BRD1: variants seen among roughly 807,000 people sequenced by gnomAD.
BRD1 encodes the protein bromodomain containing 1.
In BRD1, 24 loss-of-function variants were observed where a neutral mutation model predicts 107.7. That is an observed-to-expected ratio of 0.22 (90% CI 0.16 to 0.31). The LOEUF (loss-of-function observed/expected upper bound fraction) is 0.31. Among genes scored for constraint, BRD1 ranks in the 10% least tolerant of loss-of-function variants. The pLI is 1.00. For synonymous variants in BRD1, 744 were observed against 686.1 expected (o/e 1.08, Z -1.32); for missense variants, 1,279 against 1,638.6 (o/e 0.78, Z 3.79).
At chr22:49,775,485 GCCC>G in intron 12 of BRD1, 103 bp downstream of exon 12, 1 of 1,112,602 alleles carries the variant, frequency 9.0e-7, no homozygotes. Flanking sequence ...CTGTGCCAGG[GCCC>G]AGCAGACAAA....
chr22:49,826,340 T>C (rs2060148679), intron 1 of BRD1: 1 of 858,196 alleles, frequency 1.2e-6, no homozygotes, highest in Non-Finnish European at 1.4e-6. Context: ...AACATGCAAC[T>C]GGGACCCGGG....
chr22:49,777,938 T>A, intron 8 of BRD1, 125 bp from the exon 9 acceptor site: 2 of 1,292,402 alleles, frequency 1.5e-6, no homozygotes, highest in Non-Finnish European at 2.1e-6. Flanking sequence ...GACAGCATCT[T>A]CCTTTTCACT....
chr22:49,790,231 C>T (rs1190107784), intron 7 of BRD1, among the ~76,000 whole-genome samples: 1 of 152,190 alleles, frequency 6.6e-6, no homozygotes, highest in Non-Finnish European at 1.5e-5. Flanking sequence ...GTTCCTCATC[C>T]ATAAAATCAG....
chr22:49,778,153 G>A (rs2059136377), intron 8 of BRD1, among the ~76,000 whole-genome samples: 1 of 152,234 alleles, frequency 6.6e-6, no homozygotes, highest in Admixed American at 6.5e-5. Flanking sequence ...GGGCAGATGT[G>A]CAACCTGTGA....
rs1416009959 is a variant in BRD1, at chr22:49,783,495, G to A, written c.2857+3895C>T. On this transcript the variant is annotated intron_variant, in intron 8 of 12. Transcript: ENST00000404760. The surrounding 1 kb of genome is among the most constrained non-coding windows in gnomAD (Gnocchi z 4.2). ...CCATGGCACAGACACAGCACAACGC[G>A]CCTGGGCATGGCCGTCACACCCAAA... 1.3e-5 allele frequency among the ~76,000 whole-genome samples: 2 copies of A among 152,232 alleles called. No homozygotes were observed. Among genetic ancestry groups the A allele is most frequent in the Admixed American group, 6.5e-5 (1 of 15,286 alleles).
chr22:49,798,156 A>C, intron 5 of BRD1, 39 bp from the exon 6 acceptor site: 1 of 1,525,348 alleles, frequency 6.6e-7, no homozygotes, highest in Non-Finnish European at 9.0e-7. Context: ...TACAAACTAA[A>C]ACAGGATATT....
At chr22:49,781,010 T>C (rs1179410693) in intron 8 of BRD1, among the ~76,000 whole-genome samples, 2 of 152,228 alleles carry the variant, frequency 1.3e-5, no homozygotes, top group Non-Finnish European at 1.5e-5. Context: ...ACGAGGTTTT[T>C]TTTTAACGCT....
chr22:49,787,519 C>T lies in BRD1; in HGVS notation c.2728G>A (p.Gly910Arg), dbSNP rs1169682204. ...TETQPTSPQL[G>R]TKTFLSVVLP... ...ACTACAGACAAAAAGGTTTTGGTCCCTAGCTGAGGAGAAGTTGGCTGGGTT... is the reference window on the plus strand; with the variant it reads ...ACTACAGACAAAAAGGTTTTGGTCCTTAGCTGAGGAGAAGTTGGCTGGGTT... Residue 910 changes from glycine to arginine, a missense_variant, in exon 8 of 13, where the codon GGG becomes AGG. Transcript: ENST00000404760. 3.7e-6 allele frequency: 6 copies of T among 1,612,930 alleles called. No individual in the cohort carries two copies. In the African/African-American group the frequency reaches 6.7e-5, roughly 18 times the overall value.
chr22:49,783,404 G>A lies in BRD1; in HGVS notation c.2857+3986C>T, dbSNP rs995015744. On this transcript the variant is annotated intron_variant, in intron 8 of 12. Coordinates refer to ENST00000404760, the MANE Select transcript of BRD1 (RefSeq NM_001304808.3). This position sits in a 1 kb window ranked among gnomAD's most constrained non-coding sequence, Gnocchi z 4.2. ...ACCCAGAAATACAGAAGATGCTAGC[G>A]AGTGAGTGAGCACGCACTGTCCATG... Among the ~76,000 whole-genome samples, 2 of 152,154 alleles carry A rather than the reference G, an allele frequency of 1.3e-5. No homozygotes were observed. Among genetic ancestry groups the A allele is most frequent in the Admixed American group, 6.6e-5 (1 of 15,260 alleles).
chr22:49,797,792 C>T lies in BRD1; in HGVS notation c.2098+13G>A, dbSNP rs2059562863. 2 of 1,578,734 alleles carry T rather than the reference C, an allele frequency of 1.3e-6. No individual in the cohort carries two copies. Among genetic ancestry groups the T allele is most frequent in the Admixed American group, 1.7e-5 (1 of 57,476 alleles). On this transcript the variant is annotated intron_variant, in intron 6 of 12. Transcript: ENST00000404760. The stretch of plus-strand genomic sequence containing the variant: ...CGTCTTCCACCTCCTCCGGACACGG[C>T]GCCAGTTCTTACCGTCTTCCCAGGA...
chr22:49,811,119 T>C (rs2059841370), intron 2 of BRD1, among the ~76,000 whole-genome samples: 1 of 151,988 alleles, frequency 6.6e-6, no homozygotes, highest in Non-Finnish European at 1.5e-5. Context: ...CTTGGAAACA[T>C]GCTCAGTGAA....
At chr22:49,782,552 A>G (rs972592593) in intron 8 of BRD1, among the ~76,000 whole-genome samples, 20 of 144,492 alleles carry the variant, frequency 1.4e-4, no homozygotes, top group Non-Finnish European at 2.4e-4. Flanking sequence ...GACAGACCCA[A>G]GGCCCATCGT....
At chr22:49,819,764 G>C (rs750557982) in intron 2 of BRD1, among the ~76,000 whole-genome samples, 1 of 151,798 alleles carries the variant, frequency 6.6e-6, no homozygotes, top group Non-Finnish European at 1.5e-5. Flanking sequence ...GTTTTTCAAA[G>C]TGTTTATTTA....
chr22:49,787,401 C>G lies in BRD1; in HGVS notation c.2846G>C (p.Arg949Pro). Reference protein sequence around the residue: ...SEVEEESPGKRLDAGLTNGFG... With the variant: ...SEVEEESPGKPLDAGLTNGFG... ...CCCGCGGCATTTACCTGCGTCCAGG[C>G]GCTTTCCTGGGGACTCCTCCTCCAC... is the stretch of plus-strand genomic sequence containing the variant. Residue 949 changes from arginine to proline, a missense_variant, in exon 8 of 13, where the codon CGC becomes CCC. Physicochemically the swap from Arg to Pro is moderately radical, Grantham distance 103 (BLOSUM62 -2). Coordinates refer to ENST00000404760, the MANE Select transcript of BRD1 (RefSeq NM_001304808.3). The G allele has an allele frequency of 1.2e-6, 2 of 1,603,044 alleles. No individual in the cohort carries two copies. The highest frequency in any genetic ancestry group is 1.1e-5 in the South Asian group (1 of 90,986).
intron 2 of BRD1, among the ~76,000 whole-genome samples, chr22:49,819,914 G>A (rs1222814464): frequency 1.3e-5 from 2 of 151,948 alleles, no homozygotes; most frequent in East Asian, 1.9e-4. Context: ...TGGATCACCT[G>A]AGGTCAGCAG....
chr22:49,824,944 C>A lies in BRD1; in HGVS notation c.-14-613G>T, dbSNP rs73439791. The A allele has an allele frequency of 1.8e-3, 749 of 407,558 alleles. 5 individuals carry two copies. Among genetic ancestry groups the A allele is most frequent in the African/African-American group, 0.013 (611 of 46,316 alleles). The allele number at this position is 407,558 out of a possible 1,614,324, so 25.2% of individuals were successfully genotyped here. ...TCACAGCCTGTCCATCCTCTATAGA[C>A]AGGCCCTCCACACGCACAACACGGC... On this transcript the variant is annotated intron_variant, in intron 1 of 12. Transcript: ENST00000404760. The surrounding 1 kb of genome is among the most constrained non-coding windows in gnomAD (Gnocchi z 5.9).
chr22:49,775,820 C>CG (rs1365387670), intron 11 of BRD1, 75 bp from the exon 12 acceptor site: 452 of 1,360,694 alleles, frequency 3.3e-4, no homozygotes, highest in African/African-American at 8.4e-4. Flanking sequence ...CTGGCACCCC[C>CG]CCCCGCCTCC....
rs766772354 is a variant in BRD1 at position 49,824,161 on chromosome 22, T to C, written c.157A>G (p.Ile53Val). 2 of 1,614,006 alleles carry C rather than the reference T, an allele frequency of 1.2e-6. No homozygotes were observed. The highest frequency in any genetic ancestry group is 1.3e-5 in the African/African-American group (1 of 75,062). Residue 53 changes from isoleucine to valine, a missense_variant, in exon 2 of 13, where the codon ATT becomes GTT. Physicochemically the swap from Ile to Val is conservative, Grantham distance 29. This residue lies in a region of BRD1 where 223 missense variants were observed against 263.5 expected (regional missense o/e 0.85). Coordinates refer to ENST00000404760, the MANE Select transcript of BRD1 (RefSeq NM_001304808.3). The surrounding 1 kb of genome is among the most constrained non-coding windows in gnomAD (Gnocchi z 5.9). ...AATATGATCTCCAGGGGATCAAAAA[T>C]ACTGATCCTGTGCAAGCGCCCTTCA... ...EIEGRLHRIS[I>V]FDPLEIILED...
intron 8 of BRD1, among the ~76,000 whole-genome samples, chr22:49,779,608 C>G (rs965080834): frequency 6.6e-6 from 1 of 152,150 alleles, no homozygotes; most frequent in Non-Finnish European, 1.5e-5. Flanking sequence ...ATTTAAAAAC[C>G]TACAGGAGAA....
Sources: allele counts gnomAD v4.1 joint callset (sites outside exome capture counted in the v4.1 genomes callset), GRCh38; gene constraint gnomAD v4.1.1; regional missense constraint gnomAD v4.1.1; non-coding constraint Gnocchi (gnomAD v3.1); transcripts MANE v1.5; gene names NCBI Gene and HGNC (gene_info 2026-07-23, HGNC 2026-07-21).